The following DDX52 variants were observed in gnomAD, a reference collection of about 807,000 sequenced individuals.
The protein encoded by DDX52 is probable ATP-dependent RNA helicase DDX52.
In DDX52, 59 loss-of-function variants were observed where a neutral mutation model predicts 76.1. The observed-to-expected ratio is 0.78, with a 90% CI of 0.63 to 0.96. DDX52 has a LOEUF of 0.96. Ranked by LOEUF, DDX52 falls within the 40% of genes least tolerant of loss-of-function variation. The pLI is 0.00. For missense variants in DDX52, 707 were observed against 703.9 expected (o/e 1.00, Z -0.05); for synonymous variants, 231 against 244.1 (o/e 0.95, Z 0.50).
intron 4 of DDX52, chr17:37,631,857 GA>G: frequency 1.9e-6 from 1 of 523,660 alleles, no homozygotes. Context: ...ATGTTGCAAG[GA>G]AAAGAACACA....
At chr17:37,640,848 G>C (rs1049641992) in intron 2 of DDX52, among the ~76,000 whole-genome samples, 4 of 151,950 alleles carry the variant, frequency 2.6e-5, no homozygotes, top group African/African-American at 7.3e-5. Flanking sequence ...TTAGCCAGGC[G>C]TGGTGGGGCA....
intron 12 of DDX52, chr17:37,620,576 T>C: frequency 3.9e-6 from 1 of 256,902 alleles, no homozygotes; most frequent in South Asian, 9.4e-5. Flanking sequence ...GCAGTCAAAA[T>C]GCAGGAAACT....
chr17:37,632,021 G>A, intron 4 of DDX52, 92 bp downstream of exon 4: 4 of 1,551,582 alleles, frequency 2.6e-6, no homozygotes, highest in Non-Finnish European at 8.9e-7. Flanking sequence ...GGGGAGATAA[G>A]GTGGAAAGAA....
At chr17:37,637,431 C>T (rs867668791) in intron 2 of DDX52, among the ~76,000 whole-genome samples, 1 of 151,154 alleles carries the variant, frequency 6.6e-6, no homozygotes, top group Non-Finnish European at 1.5e-5. Flanking sequence ...GCTCCTGGCC[C>T]TATTTTTTGT....
At position 37,621,191 on chromosome 17, in the gene DDX52, T is replaced by C; in HGVS notation, c.1437A>G (p.Lys479=). 6.2e-7 allele frequency: 1 copy of C among 1,614,070 alleles called. No homozygotes were observed. The highest frequency in any genetic ancestry group is 8.5e-7 in the Non-Finnish European group (1 of 1,179,978). ...TALLARGIDF[K]GVNLVINYDF... ...CATAGTTGATCACCAAGTTCACACC[T>C]TTAAAATCAATCCCTCTTGCTAGCA... Residue 479 remains lysine (K), a synonymous_variant, in exon 11 of 15, where the codon AAA becomes AAG. Coordinates refer to ENST00000617633, the MANE Select transcript of DDX52 (RefSeq NM_007010.5).
chr17:37,625,190 G>C (rs755932554), intron 8 of DDX52, among the ~76,000 whole-genome samples: 2 of 151,816 alleles, frequency 1.3e-5, no homozygotes, highest in Admixed American at 1.3e-4. Context: ...ATGGGGTTTC[G>C]CCATGTTGGT....
In DDX52 at chr17:37,636,198, C is replaced by G. The variant is rs1207223824; in HGVS notation, c.287-2780G>C. ...ATCTCAAGGCCACAAAGATTTTTTT[C>G]CTGTTTTCTTCTGGAACTTTTATAG... is the stretch of plus-strand genomic sequence containing the variant. On this transcript the variant is annotated intron_variant, in intron 2 of 14. Coordinates refer to ENST00000617633, the MANE Select transcript of DDX52 (RefSeq NM_007010.5). Among the ~76,000 whole-genome samples the G allele has an allele frequency of 2.0e-5, 3 of 152,008 alleles. No individual in the cohort carries two copies. The East Asian group carries it at 5.8e-4, about 29-fold the overall frequency.
At chr17:37,628,060 G>T (rs1423725680) in intron 6 of DDX52, among the ~76,000 whole-genome samples, 2 of 152,090 alleles carry the variant, frequency 1.3e-5, no homozygotes, top group Non-Finnish European at 2.9e-5. Context: ...GTATGGAGAA[G>T]ATTACAGGTG....
rs1408647064 is a variant in DDX52 at position 37,612,589 on chromosome 17, A to T, written c.*1707T>A. On this transcript the variant is annotated 3_prime_UTR_variant, in exon 15 of 15. Transcript: ENST00000617633. Reference sequence around the variant, plus strand: ...AACAACATGATGTTTACACAATGACAATATCACCTAACGATGCATTTCTCA... The same window carrying T: ...AACAACATGATGTTTACACAATGACTATATCACCTAACGATGCATTTCTCA... The T allele has an allele frequency of 6.6e-6, 1 of 152,186 alleles. No individual in the cohort carries two copies. Among genetic ancestry groups the T allele is most frequent in the Non-Finnish European group, 1.5e-5 (1 of 68,032 alleles). 9.4% of individuals were successfully genotyped at this position (152,186 alleles called of 1,614,324 possible).
intron 10 of DDX52, 29 bp downstream of exon 10, chr17:37,621,369 T>C (rs770295627): frequency 1.2e-6 from 2 of 1,600,312 alleles, no homozygotes; most frequent in Non-Finnish European, 8.5e-7. Flanking sequence ...GTAGTTCTTC[T>C]GAGTTTCAAA....
chr17:37,614,691 A>C (rs1568596232), intron 14 of DDX52, among the ~76,000 whole-genome samples: 1 of 152,200 alleles, frequency 6.6e-6, no homozygotes, highest in South Asian at 2.1e-4. Flanking sequence ...TTTTCCTAAC[A>C]ACTTATGAGG....
chr17:37,619,119 C>CTA (rs1296610822), intron 13 of DDX52, among the ~76,000 whole-genome samples: 2 of 152,152 alleles, frequency 1.3e-5, no homozygotes, highest in Non-Finnish European at 2.9e-5. Flanking sequence ...TAGCTCATGC[C>CTA]TATAATCCCA....
intron 11 of DDX52, 44 bp downstream of exon 11, chr17:37,621,083 A>G: frequency 6.3e-7 from 1 of 1,583,088 alleles, no homozygotes; most frequent in Non-Finnish European, 8.6e-7. Flanking sequence ...GTCCTAAGAC[A>G]GATCAGTGGG....
intron 3 of DDX52, among the ~76,000 whole-genome samples, 165 bp from the exon 4 acceptor site, chr17:37,632,463 C>G (rs2030728999): frequency 6.6e-6 from 1 of 152,230 alleles, no homozygotes; most frequent in South Asian, 2.1e-4. Flanking sequence ...ACATTTCATG[C>G]CCTTTCATAG....
chr17:37,641,324 C>G (rs998230286), intron 2 of DDX52, among the ~76,000 whole-genome samples: 2 of 151,562 alleles, frequency 1.3e-5, no homozygotes, highest in Non-Finnish European at 2.9e-5. Flanking sequence ...ATGACGTGAA[C>G]CCAGGAGGCG....
chr17:37,619,887 T>C, intron 12 of DDX52, 48 bp from the exon 13 acceptor site: 1 of 1,581,348 alleles, frequency 6.3e-7, no homozygotes. Context: ...GCTAAATTGA[T>C]GTTTATGAAT....
chr17:37,622,047 T>C (rs1442132809), intron 9 of DDX52, among the ~76,000 whole-genome samples: 1 of 152,162 alleles, frequency 6.6e-6, no homozygotes, highest in Non-Finnish European at 1.5e-5. Context: ...TCATCCCTCA[T>C]TAACTCATTA....
chr17:37,635,258 T>C (rs1212396115), intron 2 of DDX52, among the ~76,000 whole-genome samples: 1 of 152,094 alleles, frequency 6.6e-6, no homozygotes, highest in Admixed American at 6.5e-5. Context: ...AATCTGCATA[T>C]ATTTAAAGTA....
chr17:37,621,697 G>C (rs142206165), intron 9 of DDX52, among the ~76,000 whole-genome samples, 177 bp from the exon 10 acceptor site: 141 of 152,146 alleles, frequency 9.3e-4, no homozygotes, highest in Non-Finnish European at 1.8e-3. Flanking sequence ...TCTCCAATTG[G>C]TTATTTCCAC....
Sources: gnomAD v4.1 joint callset for allele counts (sites outside exome capture counted in the v4.1 genomes callset) on GRCh38, gnomAD v4.1.1 for gene constraint, MANE v1.5 for transcripts, NCBI Gene and HGNC (gene_info 2026-07-23, HGNC 2026-07-21) for gene names.